SYNE1: variants seen among roughly 807,000 people sequenced by gnomAD.
SYNE1 encodes spectrin repeat containing nuclear envelope protein 1.
In SYNE1, 616 loss-of-function variants were observed where a neutral mutation model predicts 1,111.0. The observed-to-expected ratio is 0.55, with a 90% confidence interval of 0.52 to 0.59. The LOEUF (loss-of-function observed/expected upper bound fraction) is 0.59, where lower values mean the gene tolerates loss of function less well. SYNE1 is among the 20% of genes least tolerant of loss of function. The pLI is 0.00. For missense variants in SYNE1, 10,006 were observed against 10,417.0 expected (o/e 0.96, Z 1.72); for synonymous variants, 3,855 against 3,825.8 (o/e 1.01, Z -0.28).
chr6:152,424,560 T>G (rs571730439), intron 39 of SYNE1, among the ~76,000 whole-genome samples: 17 of 152,170 alleles, frequency 1.1e-4, no homozygotes, highest in Non-Finnish European at 2.1e-4. Flanking sequence ...ATCTGTCAAT[T>G]ATTTGGGGTT....
intron 51 of SYNE1, among the ~76,000 whole-genome samples, chr6:152,392,793 T>C (rs768402265): frequency 2.0e-5 from 3 of 152,226 alleles, no homozygotes; most frequent in Non-Finnish European, 4.4e-5. Context: ...TTGAGTTAAA[T>C]AATAATTCAA....
intron 16 of SYNE1, among the ~76,000 whole-genome samples, chr6:152,467,406 G>A (rs906559293): frequency 6.6e-6 from 1 of 151,954 alleles, no homozygotes; most frequent in African/African-American, 2.4e-5. Flanking sequence ...ATCAAAAATG[G>A]AAAATTATAC....
At chr6:152,205,064 T>C (rs956780530) in intron 126 of SYNE1, among the ~76,000 whole-genome samples, 1 of 152,130 alleles carries the variant, frequency 6.6e-6, no homozygotes, top group Admixed American at 6.5e-5. Context: ...TTTTGATGGA[T>C]TGCTTACTAC....
In SYNE1 at chr6:152,381,321, G is replaced by T; in HGVS notation, c.8694C>A (p.Ser2898Arg). 6.2e-7 allele frequency: 1 copy of T among 1,614,022 alleles called. No homozygotes were observed. The highest frequency in any genetic ancestry group is 8.5e-7 in the Non-Finnish European group (1 of 1,180,040). ...CTTCGGGAGCCAGCGACTCCACTCT[G>T]CTGAGACGGCTTGCACCAATCTCTC... Reference protein sequence around the residue: ...DSREIGASRLSRVESLAPEVK... With the variant: ...DSREIGASRLRRVESLAPEVK... The change falls in exon 56 of 146, where the codon AGC (serine) becomes AGA (arginine). Residue 2898 changes from serine to arginine, a missense_variant. Ser to Arg is a moderately radical substitution (Grantham distance 110). Around this residue, in one of 7 missense-constraint regions of SYNE1, gnomAD observed 4,955 missense variants for 5,017.2 expected, o/e 0.99. Coordinates refer to ENST00000367255, the MANE Select transcript of SYNE1 (RefSeq NM_182961.4).
chr6:152,231,637 CT>C, intron 113 of SYNE1, 70 bp from the exon 114 acceptor site: 1 of 1,449,314 alleles, frequency 6.9e-7, no homozygotes, highest in South Asian at 1.2e-5. Context: ...GTTGGAAAGC[CT>C]TAAGTAACCT....
At chr6:152,264,107 G>A (rs1397501613) in intron 100 of SYNE1, among the ~76,000 whole-genome samples, 1 of 149,910 alleles carries the variant, frequency 6.7e-6, no homozygotes, top group Non-Finnish European at 1.5e-5. Context: ...TACTCGGGAG[G>A]CTGAGGCAGG....
At chr6:152,412,923 C>T (rs2098089018) in intron 42 of SYNE1, among the ~76,000 whole-genome samples, 1 of 146,502 alleles carries the variant, frequency 6.8e-6, no homozygotes, top group South Asian at 2.2e-4. Context: ...GCAATCTTGG[C>T]TCACTGCAAC....
At chr6:152,132,069 C>T in intron 144 of SYNE1, 53 bp downstream of exon 144, 14 of 1,536,894 alleles carry the variant, frequency 9.1e-6, no homozygotes, top group East Asian at 2.2e-5. Flanking sequence ...AATACTGTCA[C>T]TTCCCAGTGT....
chr6:152,347,020 T>C, intron 73 of SYNE1, 39 bp downstream of exon 73: 2 of 1,611,978 alleles, frequency 1.2e-6, no homozygotes, highest in Non-Finnish European at 1.7e-6. Flanking sequence ...CCTCTCCCCA[T>C]AATTCCTTGT....
rs777134783 is a variant in SYNE1, at chr6:152,244,562, G to T, written c.19667C>A (p.Ser6556Tyr). Residue 6556 changes from serine to tyrosine, a missense_variant, in exon 106 of 146, where the codon TCC (serine) becomes TAC (tyrosine). This residue lies in a region of SYNE1 where 2,182 missense variants were observed against 2,287.8 expected (regional missense o/e 0.95). Transcript: ENST00000367255. ...RGDKLQVEQP[S>Y]MQELSKLQDM... ...CTGGAGCTTGGAGAGTTCTTGCATG[G>T]ACGGCTGCTCGACCTGTAGCTTGTC... 1 of 1,613,962 alleles carries T rather than the reference G, an allele frequency of 6.2e-7. No individual in the cohort carries two copies. Among genetic ancestry groups the T allele is most frequent in the African/African-American group, 1.3e-5 (1 of 74,918 alleles).
intron 11 of SYNE1, among the ~76,000 whole-genome samples, chr6:152,497,848 C>T (rs749357411): frequency 1.1e-4 from 17 of 152,138 alleles, no homozygotes; most frequent in African/African-American, 1.7e-4. Context: ...ATTCAGAAGA[C>T]GTGGCAACCT....
At chr6:152,339,194 G>A (rs1268540411) in intron 75 of SYNE1, 47 bp downstream of exon 75, 1 of 1,606,704 alleles carries the variant, frequency 6.2e-7, no homozygotes, top group African/African-American at 1.3e-5. Flanking sequence ...TCAAGCAAGA[G>A]AATATAATAA....
At chr6:152,325,838 A>T in intron 80 of SYNE1, 120 bp downstream of exon 80, 2 of 1,207,408 alleles carry the variant, frequency 1.7e-6, no homozygotes, top group Non-Finnish European at 2.3e-6. Context: ...AAATGTTGTT[A>T]AATGCATCCT....
intron 87 of SYNE1, among the ~76,000 whole-genome samples, chr6:152,311,960 T>G (rs2095565129): frequency 6.6e-6 from 1 of 152,034 alleles, no homozygotes; most frequent in Admixed American, 6.5e-5. Context: ...ATTTTTTGTA[T>G]TTTTTAGCAG....
In SYNE1 at chr6:152,122,221, C is replaced by G. The variant is rs1362068438; in HGVS notation, c.*215G>C. On this transcript the variant is annotated 3_prime_UTR_variant, in exon 146 of 146. Coordinates refer to ENST00000367255, the MANE Select transcript of SYNE1 (RefSeq NM_182961.4). ...AGGTTCAGAGTCTCAAACCAGATTT[C>G]TTCCAAACCTTCTTGTTGTCTGTTT... 1.3e-5 allele frequency: 9 copies of G among 715,320 alleles called. No individual in the cohort carries two copies. Among genetic ancestry groups the G allele is most frequent in the African/African-American group, 1.1e-4 (6 of 56,410 alleles). The allele number at this position is 715,320 out of a possible 1,614,324, so 44.3% of individuals were successfully genotyped here. A position where few individuals can be genotyped will look rare whatever the true frequency, so the allele number is the denominator to read the frequency against.
At chr6:152,225,595 A>T in intron 116 of SYNE1, 126 bp downstream of exon 116, 1 of 1,168,586 alleles carries the variant, frequency 8.6e-7, no homozygotes, top group Non-Finnish European at 1.2e-6. Flanking sequence ...AAGTGGACTT[A>T]AAAGTACAAG....
chr6:152,540,122 C>A, intron 3 of SYNE1, 101 bp from the exon 4 acceptor site: 1 of 1,193,096 alleles, frequency 8.4e-7, no homozygotes, highest in Non-Finnish European at 1.2e-6. Flanking sequence ...ATCGTGAAAT[C>A]GTTTTCTCAT....
rs200201268 is a variant in SYNE1, at chr6:152,318,922, T to C, written c.16330A>G (p.Ile5444Val). 1.3e-5 allele frequency: 21 copies of C among 1,614,134 alleles called. No homozygotes were observed. The highest frequency in any genetic ancestry group is 1.8e-5 in the Non-Finnish European group (21 of 1,180,052). The part of the protein sequence containing the change: ...IQKLAKDLTT[I>V]LTKLKAKTDN... Reference sequence around the variant, plus strand: ...GTCTTCGCTTTCAGCTTAGTTAGAATAGTTGTGAGGTCTTTAGCTAACTTC... The same window carrying C: ...GTCTTCGCTTTCAGCTTAGTTAGAACAGTTGTGAGGTCTTTAGCTAACTTC... The change falls in exon 85 of 146, where the codon ATT (isoleucine) becomes GTT (valine). Residue 5444 changes from isoleucine (I) to valine (V), a missense_variant. Ile to Val is a conservative substitution (Grantham distance 29). Around this residue, in one of 7 missense-constraint regions of SYNE1, gnomAD observed 4,955 missense variants for 5,017.2 expected, o/e 0.99. Coordinates refer to ENST00000367255, the MANE Select transcript of SYNE1 (RefSeq NM_182961.4).
chr6:152,329,968 T>C lies in SYNE1; in HGVS notation c.14717A>G (p.Glu4906Gly). ...SLDWLRRVKA[E>G]LSGPVYLDLN... ...GTCTAGGTACACCGGCCCACTGAGC[T>C]CTGCCTTCACTCTCCTCAGCCAGTC... The change falls in exon 78 of 146, where the codon GAG becomes GGG. Residue 4906 changes from glutamate to glycine, a missense_variant. This residue lies in a region of SYNE1 where 4,955 missense variants were observed against 5,017.2 expected (regional missense o/e 0.99). Transcript: ENST00000367255. 1 of 1,614,206 alleles carries C rather than the reference T, an allele frequency of 6.2e-7. No individual in the cohort carries two copies. The highest frequency in any genetic ancestry group is 1.1e-5 in the South Asian group (1 of 91,086).
Sources: allele counts gnomAD v4.1 joint callset (sites outside exome capture counted in the v4.1 genomes callset), GRCh38; gene constraint gnomAD v4.1.1; regional missense constraint gnomAD v4.1.1; transcripts MANE v1.5; gene names NCBI Gene and HGNC (gene_info 2026-07-23, HGNC 2026-07-21).